Variants in ITGA8 observed in about 807,000 individuals in gnomAD.
ITGA8 encodes integrin subunit alpha 8.
In ITGA8, 91 loss-of-function variants were observed where a neutral mutation model predicts 142.3. That is an observed-to-expected ratio of 0.64 (90% confidence interval 0.54 to 0.76). The LOEUF (loss-of-function observed/expected upper bound fraction) is 0.76, where lower values mean the gene tolerates loss of function less well. Ranked by LOEUF, ITGA8 falls within the 30% of genes least tolerant of loss-of-function variation. The pLI, the probability that ITGA8 is intolerant of heterozygous loss-of-function variation, is 0.00. For missense variants in ITGA8, 1,406 were observed against 1,327.7 expected (o/e 1.06, Z -0.92); for synonymous variants, 505 against 485.2 (o/e 1.04, Z -0.54).
chr10:15,533,547 T>C (rs1833355418), intron 27 of ITGA8, among the ~76,000 whole-genome samples: 1 of 152,232 alleles, frequency 6.6e-6, no homozygotes, highest in Non-Finnish European at 1.5e-5. Flanking sequence ...GTAAGGATTA[T>C]AATTATATTC....
intron 2 of ITGA8, among the ~76,000 whole-genome samples, chr10:15,694,562 A>G (rs1835011249): frequency 7.2e-6 from 1 of 138,498 alleles, no homozygotes; most frequent in Admixed American, 7.6e-5. Flanking sequence ...TTATAGAGTT[A>G]TAATATATAA....
chr10:15,554,761 GAAGAA>G lies in ITGA8; in HGVS notation c.2766+3308_2766+3312del, dbSNP rs1833859577. ...TTTCTTTCTTTCTTTTTTTTTTAAT[GAAGAA>G]AAGAGGTTTAATTGACTCACAGTTC... On this transcript the variant is annotated intron_variant, in intron 26 of 29. Transcript: ENST00000378076. 1.7e-4 allele frequency among the ~76,000 whole-genome samples: 25 copies of G among 147,970 alleles called. 1 individual carries two copies. In the South Asian group the frequency reaches 5.4e-3, roughly 32 times the overall value.
intron 4 of ITGA8, among the ~76,000 whole-genome samples, chr10:15,680,533 A>G (rs1485658373): frequency 6.6e-6 from 1 of 152,026 alleles, no homozygotes; most frequent in East Asian, 1.9e-4. Context: ...ATATGTGTAA[A>G]TATTTATATG....
At chr10:15,651,175 T>C (rs59325952) in intron 11 of ITGA8, among the ~76,000 whole-genome samples, 35,837 of 151,846 alleles carry the variant, frequency 0.24, 4,430 homozygotes, top group Admixed American at 0.33. Flanking sequence ...GTATAACTAC[T>C]ATAACACTCA....
chr10:15,647,562 A>C (rs573968187), intron 11 of ITGA8, among the ~76,000 whole-genome samples: 1 of 143,634 alleles, frequency 7.0e-6, no homozygotes, highest in East Asian at 2.1e-4. Flanking sequence ...TCCCGGGTTC[A>C]CGCCATTCTC....
chr10:15,590,056 C>T (rs1231163553), intron 22 of ITGA8, among the ~76,000 whole-genome samples: 1 of 152,218 alleles, frequency 6.6e-6, no homozygotes, highest in Admixed American at 6.5e-5. Context: ...AGCCACTGTG[C>T]CCAGCCTCAA....
intron 11 of ITGA8, 136 bp downstream of exon 11, chr10:15,655,218 G>T: frequency 1.8e-6 from 1 of 546,284 alleles, no homozygotes; most frequent in Non-Finnish European, 3.2e-6. Flanking sequence ...TTCTTGTCTT[G>T]AACCAAAAAA....
intron 4 of ITGA8, among the ~76,000 whole-genome samples, chr10:15,682,631 G>T (rs990514242): frequency 6.6e-6 from 1 of 152,118 alleles, no homozygotes; most frequent in African/African-American, 2.4e-5. Flanking sequence ...GAGGCGGATG[G>T]ATCGCATGAG....
At chr10:15,659,451 T>C (rs1433058031) in intron 9 of ITGA8, among the ~76,000 whole-genome samples, 3 of 152,242 alleles carry the variant, frequency 2.0e-5, no homozygotes, top group African/African-American at 7.2e-5. Flanking sequence ...TTTAAAATGC[T>C]ATCCACATGG....
At chr10:15,587,621 AC>A (rs1185708443) in intron 22 of ITGA8, among the ~76,000 whole-genome samples, 1 of 152,232 alleles carries the variant, frequency 6.6e-6, no homozygotes, top group Non-Finnish European at 1.5e-5. Context: ...ACTTTTCATT[AC>A]CCACAATACC....
chr10:15,539,172 G>A (rs1467406403), intron 27 of ITGA8, among the ~76,000 whole-genome samples: 1 of 152,072 alleles, frequency 6.6e-6, no homozygotes, highest in African/African-American at 2.4e-5. Flanking sequence ...TCCTCAAAGT[G>A]AGAAGGAGTT....
At chr10:15,592,137 G>T in intron 22 of ITGA8, 88 bp downstream of exon 22, 1 of 899,640 alleles carries the variant, frequency 1.1e-6, no homozygotes, top group Non-Finnish European at 1.7e-6. Context: ...AGCTTTTAAG[G>T]CCAAGGGCCT....
chr10:15,624,437 T>C (rs1833545648), intron 13 of ITGA8, among the ~76,000 whole-genome samples: 2 of 152,208 alleles, frequency 1.3e-5, no homozygotes, highest in African/African-American at 4.8e-5. Flanking sequence ...TCTGGGCACT[T>C]TGATGTACAA....
intron 15 of ITGA8, among the ~76,000 whole-genome samples, chr10:15,610,139 A>T (rs1449427640): frequency 2.0e-5 from 3 of 152,124 alleles, no homozygotes; most frequent in African/African-American, 7.2e-5. Context: ...CTGAATTCTC[A>T]ATAATAGCAC....
chr10:15,690,306 C>A (rs944908333), intron 2 of ITGA8, among the ~76,000 whole-genome samples: 1 of 152,164 alleles, frequency 6.6e-6, no homozygotes, highest in Non-Finnish European at 1.5e-5. Context: ...GCTCCAGAAC[C>A]TGAATTGCAG....
At chr10:15,659,183 A>G in intron 9 of ITGA8, 128 bp from the exon 10 acceptor site, 1 of 567,824 alleles carries the variant, frequency 1.8e-6, no homozygotes, top group Non-Finnish European at 3.0e-6. Flanking sequence ...ATGTAAAACA[A>G]AAATGAAAGC....
intron 27 of ITGA8, among the ~76,000 whole-genome samples, chr10:15,546,166 C>T (rs1269551332): frequency 3.3e-5 from 5 of 152,170 alleles, no homozygotes; most frequent in Admixed American, 1.3e-4. Context: ...CAGCCGCACT[C>T]CCTACTATTT....
rs143108578 is a variant in ITGA8, at chr10:15,641,606, C to A, written c.1399+2424G>T. ...GAGAGACAGAATTGGCGCCAGAACC[C>A]AGGTCTACCAAGATGCATGGATGAA... On this transcript the variant is annotated intron_variant, in intron 13 of 29. Coordinates refer to ENST00000378076, the MANE Select transcript of ITGA8 (RefSeq NM_003638.3). 5.8e-3 allele frequency among the ~76,000 whole-genome samples: 889 copies of A among 152,188 alleles called. 10 individuals carry two copies. Among genetic ancestry groups the A allele is most frequent in the African/African-American group, 0.021 (866 of 41,522 alleles).
At chr10:15,647,426 T>C (rs528844549) in intron 11 of ITGA8, among the ~76,000 whole-genome samples, 115 of 151,200 alleles carry the variant, frequency 7.6e-4, no homozygotes, top group African/African-American at 2.7e-3. Flanking sequence ...GCAATTAATA[T>C]GACTATACAT....
Sources: allele counts gnomAD v4.1 joint callset (sites outside exome capture counted in the v4.1 genomes callset), GRCh38; gene constraint gnomAD v4.1.1; transcripts MANE v1.5; gene names NCBI Gene and HGNC (gene_info 2026-07-23, HGNC 2026-07-21).